BRDT: variants seen among roughly 807,000 people sequenced by gnomAD.
BRDT encodes bromodomain testis associated.
BRDT carries 77 observed loss-of-function variants against 113.9 expected under a neutral mutation model. That is an observed-to-expected ratio of 0.68 (90% CI 0.56 to 0.82). The LOEUF is 0.82. Among genes scored for constraint, BRDT ranks in the 40% least tolerant of loss-of-function variants. The pLI, the probability that BRDT is intolerant of heterozygous loss-of-function variation, is 0.00. For missense variants in BRDT, 1,027 were observed against 1,105.4 expected (o/e 0.93, Z 1.01); for synonymous variants, 358 against 366.5 (o/e 0.98, Z 0.26).
At chr1:91,995,400 A>G (rs12758999) in intron 15 of BRDT, among the ~76,000 whole-genome samples, 30,867 of 143,478 alleles carry the variant, frequency 0.22, 3,663 homozygotes, top group Middle Eastern at 0.28. Context: ...TCTCCCTACT[A>G]TTCTGTGTGT....
chr1:91,972,820 G>A (rs1683756522), intron 4 of BRDT, among the ~76,000 whole-genome samples: 1 of 152,132 alleles, frequency 6.6e-6, no homozygotes, highest in African/African-American at 2.4e-5. Flanking sequence ...AGAGAGTAGT[G>A]ACAACTCAGA....
intron 5 of BRDT, 44 bp downstream of exon 5, chr1:91,976,482 AT>A (rs57536714): frequency 0.062 from 86,794 of 1,400,604 alleles, 2,702 homozygotes; most frequent in African/African-American, 0.095. Flanking sequence ...TTAACACTGG[AT>A]TTTTTTTTTC....
At chr1:91,969,708 T>C (rs200424626) in intron 4 of BRDT, among the ~76,000 whole-genome samples, 2 of 152,146 alleles carry the variant, frequency 1.3e-5, no homozygotes, top group East Asian at 3.8e-4. Context: ...TTGATCTTTT[T>C]ATTGATCTTT....
intron 18 of BRDT, among the ~76,000 whole-genome samples, chr1:92,011,607 C>T (rs1208821060): frequency 1.3e-5 from 2 of 152,072 alleles, no homozygotes; most frequent in Non-Finnish European, 2.9e-5. Context: ...TGACTTAAGT[C>T]ACCCCCAAGT....
At position 91,980,637 on chromosome 1, in the gene BRDT, T is replaced by G. The variant is rs759596134; in HGVS notation, c.1288-6T>G. 1.4e-6 allele frequency: 2 copies of G among 1,453,820 alleles called. No individual in the cohort carries two copies. Among genetic ancestry groups the G allele is most frequent in the Non-Finnish European group, 1.8e-6 (2 of 1,104,534 alleles). The allele number at this position is 1,453,820 out of a possible 1,614,324, so 90.1% of individuals were successfully genotyped here. A position where few individuals can be genotyped will look rare whatever the true frequency, so the allele number is the denominator to read the frequency against. On this transcript the variant is annotated splice_polypyrimidine_tract_variant and splice_region_variant and intron_variant, in intron 8 of 18. Transcript: ENST00000399546. Reference sequence around the variant, plus strand: ...GAATGTTTACAGATTTTTTTTCTTTTATCAGCTTAAAGCTGTACATCAACA... The same window carrying G: ...GAATGTTTACAGATTTTTTTTCTTTGATCAGCTTAAAGCTGTACATCAACA...
In BRDT at chr1:91,981,575, A is replaced by G. The variant is rs749797099; in HGVS notation, c.1865-43A>G. ...GCAGTTTTTAAATGTTCCTGCAACT[A>G]TTTAATTCTTCTGGCATTTTAATAT... On this transcript the variant is annotated intron_variant, in intron 11 of 18. Coordinates refer to ENST00000399546, the MANE Select transcript of BRDT (RefSeq NM_207189.4). The G allele has an allele frequency of 4.4e-6, 7 of 1,605,184 alleles. No homozygotes were observed. The South Asian group carries it at 7.8e-5, about 18-fold the overall frequency.
intron 18 of BRDT, among the ~76,000 whole-genome samples, chr1:92,006,819 C>T (rs1044671413): frequency 6.6e-6 from 1 of 151,636 alleles, no homozygotes; most frequent in Non-Finnish European, 1.5e-5. Flanking sequence ...CAGAATTTTG[C>T]TCTTGTCGCC....
chr1:91,972,153 A>G (rs993199031), intron 4 of BRDT, among the ~76,000 whole-genome samples: 7 of 152,018 alleles, frequency 4.6e-5, no homozygotes, highest in African/African-American at 1.7e-4. Context: ...GTGTTTTTCT[A>G]TTCTCATTTT....
At chr1:91,982,660 T>G (rs949028562) in intron 12 of BRDT, among the ~76,000 whole-genome samples, 1 of 152,250 alleles carries the variant, frequency 6.6e-6, no homozygotes, top group African/African-American at 2.4e-5. Context: ...TAGTATGGTC[T>G]GCTGACTTGC....
In BRDT at chr1:91,961,737, A is replaced by G. The variant is rs191727580; in HGVS notation, c.-37-981A>G. On this transcript the variant is annotated intron_variant, in intron 1 of 18. Transcript: ENST00000399546. ...GAATTAACAATTGTAGAATACTTAC[A>G]CACTGATCATATCTTTAACATTCTC... is the stretch of plus-strand genomic sequence containing the variant. Among the ~76,000 whole-genome samples, 19 of 152,290 alleles carry G rather than the reference A, an allele frequency of 1.2e-4. No homozygotes were observed. The East Asian group carries it at 3.1e-3, about 25-fold the overall frequency.
intron 18 of BRDT, among the ~76,000 whole-genome samples, chr1:92,009,162 G>A (rs1215038036): frequency 6.6e-6 from 1 of 151,928 alleles, no homozygotes; most frequent in African/African-American, 2.4e-5. Flanking sequence ...TTCATTCTCT[G>A]CTTCTATGGG....
intron 18 of BRDT, among the ~76,000 whole-genome samples, chr1:92,012,983 G>A (rs899848471): frequency 1.3e-5 from 2 of 151,642 alleles, no homozygotes; most frequent in African/African-American, 4.8e-5. Flanking sequence ...ACTTTGGGAG[G>A]CTGAGGCAGG....
chr1:91,988,329 C>A (rs1246187787), intron 12 of BRDT, among the ~76,000 whole-genome samples: 3 of 152,130 alleles, frequency 2.0e-5, no homozygotes, highest in Non-Finnish European at 4.4e-5. Context: ...TACATGCTGT[C>A]ATACTTCCCT....
At chr1:92,000,050 T>G (rs569801494) in intron 15 of BRDT, among the ~76,000 whole-genome samples, 2 of 152,354 alleles carry the variant, frequency 1.3e-5, no homozygotes, top group South Asian at 4.1e-4. Context: ...TAAGTTGTTA[T>G]TTGTTTGTTT....
chr1:91,968,123 G>T, intron 3 of BRDT, 23 bp from the exon 4 acceptor site: 1 of 1,611,528 alleles, frequency 6.2e-7, no homozygotes, highest in South Asian at 1.1e-5. Flanking sequence ...ATATCCTTAT[G>T]GTATATTTAA....
Position 91,963,014 on chromosome 1 carries a change from C to G in BRDT, c.192+68C>G, listed in dbSNP as rs1682655891. 3 of 1,261,044 alleles carry G rather than the reference C, an allele frequency of 2.4e-6. No individual in the cohort carries two copies. The Admixed American group carries it at 7.3e-5, about 31-fold the overall frequency. 78.1% of individuals were successfully genotyped at this position (1,261,044 alleles called of 1,614,324 possible). A position where few individuals can be genotyped will look rare whatever the true frequency, so the allele number is the denominator to read the frequency against. Reference sequence around the variant, plus strand: ...TCCTGTAAATTTCTGTAAGACATAACTAGTCTTTAATATTATAAAACATAT... The same window carrying G: ...TCCTGTAAATTTCTGTAAGACATAAGTAGTCTTTAATATTATAAAACATAT... On this transcript the variant is annotated intron_variant, in intron 2 of 18. Transcript: ENST00000399546.
At position 92,005,896 on chromosome 1, in the gene BRDT, C is replaced by T. The variant is rs191994226; in HGVS notation, c.2775+597C>T. ...CATCTGTTCCTGGTCAGCATTTCTT[C>T]GGTTGACTGCTAGATTAAGAAGCTG... On this transcript the variant is annotated intron_variant, in intron 18 of 18. Transcript: ENST00000399546. 4.6e-5 allele frequency among the ~76,000 whole-genome samples: 7 copies of T among 152,250 alleles called. No individual in the cohort carries two copies. The East Asian group carries it at 7.7e-4, about 17-fold the overall frequency.
intron 12 of BRDT, among the ~76,000 whole-genome samples, chr1:91,982,457 GT>G (rs905040153): frequency 6.6e-6 from 1 of 152,162 alleles, no homozygotes; most frequent in Non-Finnish European, 1.5e-5. Context: ...TGACTTGGCA[GT>G]GGTGTTCCAT....
chr1:91,978,604 G>A (rs550507393), intron 7 of BRDT, among the ~76,000 whole-genome samples: 51 of 152,278 alleles, frequency 3.3e-4, no homozygotes, highest in African/African-American at 1.2e-3. Flanking sequence ...GATGTAGATA[G>A]ATGATATATA....
Sources: allele counts gnomAD v4.1 joint callset (sites outside exome capture counted in the v4.1 genomes callset), GRCh38; gene constraint gnomAD v4.1.1; transcripts MANE v1.5; gene names NCBI Gene and HGNC (gene_info 2026-07-23, HGNC 2026-07-21).